The following AP2B1 variants were observed in gnomAD, a reference collection of about 807,000 sequenced individuals.
AP2B1 encodes AP-2 complex subunit beta.
AP2B1 carries 23 observed loss-of-function variants against 102.0 expected under a neutral mutation model. The observed-to-expected ratio is 0.23, with a 90% CI of 0.16 to 0.32. The LOEUF (loss-of-function observed/expected upper bound fraction) is 0.32, where lower values mean the gene tolerates loss of function less well. Ranked by LOEUF, AP2B1 falls within the 10% of genes least tolerant of loss-of-function variation. The pLI is 1.00. For missense variants in AP2B1, 541 were observed against 1,157.4 expected, an observed-to-expected ratio of 0.47 and a Z score of 7.73; for synonymous variants, 381 against 421.2, an observed-to-expected ratio of 0.90 and a Z score of 1.17.
rs587753795 is a variant in AP2B1, at chr17:35,701,792, G to A, written c.2455-7432G>A. On this transcript the variant is annotated intron_variant, in intron 18 of 21. Transcript: ENST00000610402. Reference sequence around the variant, plus strand: ...CACTGCAGTCAGCTTTTTTTGTTTTGTTTTGATAGAGACAAGGTCTCACTT... The same window carrying A: ...CACTGCAGTCAGCTTTTTTTGTTTTATTTTGATAGAGACAAGGTCTCACTT... Among the ~76,000 whole-genome samples the A allele has an allele frequency of 3.3e-4, 50 of 152,090 alleles. 1 individual carries two copies. Among genetic ancestry groups the A allele is most frequent in the Admixed American group, 3.0e-3 (45 of 15,254 alleles).
chr17:35,660,482 T>TC (rs34078303), intron 14 of AP2B1, among the ~76,000 whole-genome samples: 933 of 77,320 alleles, frequency 0.012, 4 homozygotes, highest in South Asian at 0.032. Context: ...TTTCTCTCTC[T>TC]TTTTTTTTTT....
At chr17:35,617,707 T>G (rs1452870568) in intron 5 of AP2B1, among the ~76,000 whole-genome samples, 1 of 152,200 alleles carries the variant, frequency 6.6e-6, no homozygotes, top group African/African-American at 2.4e-5. Flanking sequence ...ATTTGTCACT[T>G]TAAGATGACC....
intron 14 of AP2B1, among the ~76,000 whole-genome samples, chr17:35,665,901 T>A (rs1199254168): frequency 1.3e-5 from 2 of 152,248 alleles, no homozygotes; most frequent in East Asian, 3.8e-4. Context: ...TCAGTCATTA[T>A]GATAATTTGT....
At chr17:35,672,854 GC>G (rs934287981) in intron 16 of AP2B1, among the ~76,000 whole-genome samples, 1 of 152,042 alleles carries the variant, frequency 6.6e-6, no homozygotes, top group African/African-American at 2.4e-5. Flanking sequence ...GTCTCCCCCT[GC>G]CCCCATTTCC....
chr17:35,623,563 A>C (rs1408105024), intron 5 of AP2B1, among the ~76,000 whole-genome samples: 1 of 152,102 alleles, frequency 6.6e-6, no homozygotes, highest in Non-Finnish European at 1.5e-5. Flanking sequence ...ACTGTATTTC[A>C]TTGAATCTTT....
At chr17:35,594,107 A>G (rs758476008) in intron 2 of AP2B1, 40 bp downstream of exon 2, 2 of 1,459,202 alleles carry the variant, frequency 1.4e-6, no homozygotes, top group South Asian at 1.2e-5. Flanking sequence ...GAAATTTTCA[A>G]AAGTTGTAGT....
chr17:35,676,348 C>G (rs2075701294), intron 17 of AP2B1, among the ~76,000 whole-genome samples: 1 of 151,940 alleles, frequency 6.6e-6, no homozygotes, highest in African/African-American at 2.4e-5. Context: ...TATAATTGTA[C>G]CTTTTCTATA....
At chr17:35,639,555 GT>G in intron 10 of AP2B1, 39 bp from the exon 11 acceptor site, 1 of 1,567,992 alleles carries the variant, frequency 6.4e-7, no homozygotes, top group Admixed American at 1.8e-5. Context: ...TTAGTTCTTA[GT>G]TTTGCCCTCA....
At chr17:35,660,890 C>T (rs1320246968) in intron 14 of AP2B1, among the ~76,000 whole-genome samples, 2 of 152,190 alleles carry the variant, frequency 1.3e-5, no homozygotes, top group South Asian at 2.1e-4. Flanking sequence ...TTTGTTAAAG[C>T]TCTTTCTTTT....
intron 5 of AP2B1, among the ~76,000 whole-genome samples, chr17:35,616,043 A>T (rs2074001090): frequency 6.7e-6 from 1 of 149,758 alleles, no homozygotes; most frequent in African/African-American, 2.5e-5. Flanking sequence ...TTTTCCTTTT[A>T]TAATGTGCTT....
chr17:35,718,312 CTGTGTGTGTGTGTGTGTGTGTGTGTGTG>C (rs57852031), intron 21 of AP2B1, among the ~76,000 whole-genome samples: 26 of 139,350 alleles, frequency 1.9e-4, no homozygotes, highest in African/African-American at 5.9e-4. Context: ...GTTGGAGTAG[CTGTGTGTGTGTGTGTGTGTGTGTGTGTG>C]TGTGTGTGTG....
At chr17:35,647,870 T>G (rs568425716) in intron 12 of AP2B1, among the ~76,000 whole-genome samples, 1 of 137,174 alleles carries the variant, frequency 7.3e-6, no homozygotes, top group Non-Finnish European at 1.5e-5. Flanking sequence ...TGGTTATGAG[T>G]TTTTTGGGTT....
At chr17:35,683,677 T>G (rs587626542) in intron 18 of AP2B1, among the ~76,000 whole-genome samples, 1 of 152,324 alleles carries the variant, frequency 6.6e-6, no homozygotes, top group South Asian at 2.1e-4. Flanking sequence ...CCTTCTGGGC[T>G]TCAGGCAACA....
chr17:35,697,104 A>G (rs900320268), intron 18 of AP2B1, among the ~76,000 whole-genome samples: 26 of 152,202 alleles, frequency 1.7e-4, no homozygotes, highest in African/African-American at 4.8e-4. Context: ...CTTGCGTTCT[A>G]TCCTCTGACT....
intron 21 of AP2B1, among the ~76,000 whole-genome samples, chr17:35,719,048 A>T (rs905413510): frequency 8.5e-5 from 13 of 152,156 alleles, no homozygotes; most frequent in Non-Finnish European, 1.5e-4. Flanking sequence ...TTAAAATTTT[A>T]AAAAGTATTT....
At position 35,598,318 on chromosome 17, in the gene AP2B1, C is replaced by T. The variant is rs755613902; in HGVS notation, c.126C>T (p.Thr42=). 2.5e-6 allele frequency: 4 copies of T among 1,610,390 alleles called. No homozygotes were observed. The highest frequency in any genetic ancestry group is 3.4e-6 in the Non-Finnish European group (4 of 1,177,326). ...EAVKKVIAAM[T]VGKDVSSLFP... ...TGAAGAAAGTGATTGCTGCTATGAC[C>T]GTGGGGAAGGATGTTAGGTAAGAGT... The change falls in exon 3 of 22, where the codon ACC becomes ACT. Residue 42 remains threonine (T), a synonymous_variant. Coordinates refer to ENST00000610402, the MANE Select transcript of AP2B1 (RefSeq NM_001030006.2).
At chr17:35,702,541 G>A (rs1598325996) in intron 18 of AP2B1, among the ~76,000 whole-genome samples, 1 of 152,300 alleles carries the variant, frequency 6.6e-6, no homozygotes, top group South Asian at 2.1e-4. Context: ...TTGCAACTTG[G>A]TTTTTATTCT....
intron 17 of AP2B1, among the ~76,000 whole-genome samples, chr17:35,680,715 T>TTTTTTTTTTTTG: frequency 6.7e-6 from 1 of 149,392 alleles, no homozygotes. Context: ...TTTTTTTTTT[T>TTTTTTTTTTTTG]TCAGACAGTC....
intron 18 of AP2B1, among the ~76,000 whole-genome samples, chr17:35,684,994 A>G (rs1191320379): frequency 6.6e-6 from 1 of 152,234 alleles, no homozygotes; most frequent in Non-Finnish European, 1.5e-5. Context: ...TCACAAGAGA[A>G]GTTGAATCTT....
Sources: gnomAD v4.1 joint callset for allele counts (sites outside exome capture counted in the v4.1 genomes callset) on GRCh38, gnomAD v4.1.1 for gene constraint, MANE v1.5 for transcripts, NCBI Gene and HGNC (gene_info 2026-07-23, HGNC 2026-07-21) for gene names.